The following BRINP1 variants were observed in gnomAD, a reference collection of about 807,000 sequenced individuals.
BRINP1 encodes the protein BMP/retinoic acid inducible neural specific 1.
Under a neutral mutation model 72.9 loss-of-function variants are expected in BRINP1, and 17 were observed. The ratio of observed to expected loss-of-function variants is 0.23; its 90% confidence interval spans 0.16 to 0.35. The LOEUF (loss-of-function observed/expected upper bound fraction) is 0.35, where lower values mean the gene tolerates loss of function less well. BRINP1 is among the 10% of genes least tolerant of loss of function. The pLI, the probability that BRINP1 is intolerant of heterozygous loss-of-function variation, is 1.00. For synonymous variants in BRINP1, 418 were observed against 378.5 expected (o/e 1.10, Z -1.21); for missense variants, 850 against 1,001.6 (o/e 0.85, Z 2.04).
At chr9:119,346,908 T>A (rs2119029055) in intron 1 of BRINP1, among the ~76,000 whole-genome samples, 1 of 152,276 alleles carries the variant, frequency 6.6e-6, no homozygotes, top group African/African-American at 2.4e-5. Context: ...TCCATGACAT[T>A]AATCGGACAT....
rs187235932 is a variant in BRINP1 at position 119,313,844 on chromosome 9, T to C, written c.-50-439A>G. ...CCAGTAAGAGACATAGGGACACAAT[T>C]CAAGTGAGTGTACCCTCTTCTGTCT... On this transcript the variant is annotated intron_variant, in intron 1 of 7. Coordinates refer to ENST00000265922, the MANE Select transcript of BRINP1 (RefSeq NM_014618.3). 4.8e-4 allele frequency among the ~76,000 whole-genome samples: 73 copies of C among 152,256 alleles called. 1 individual carries two copies. Among genetic ancestry groups the C allele is most frequent in the African/African-American group, 1.7e-3 (70 of 41,556 alleles).
intron 4 of BRINP1, 125 bp from the exon 5 acceptor site, chr9:119,238,885 C>T (rs1830218324): frequency 3.4e-6 from 2 of 586,594 alleles, no homozygotes; most frequent in South Asian, 4.6e-5. Context: ...TCAATGGTCA[C>T]TTTCTGAGCT....
chr9:119,198,712 C>A (rs1352764857), intron 7 of BRINP1, among the ~76,000 whole-genome samples: 4 of 151,118 alleles, frequency 2.6e-5, no homozygotes, highest in Non-Finnish European at 4.4e-5. Flanking sequence ...TGCTCTATTG[C>A]CCAGGCTTGA....
chr9:119,190,740 C>A (rs968644609), intron 7 of BRINP1, among the ~76,000 whole-genome samples: 1 of 151,912 alleles, frequency 6.6e-6, no homozygotes, highest in Admixed American at 6.6e-5. Context: ...ATAATTGTTA[C>A]CAATACTTCT....
rs1172988436 is a variant in BRINP1 at position 119,205,305 on chromosome 9, T to A, written c.1145+3414A>T. Among the ~76,000 whole-genome samples, 3 of 152,224 alleles carry A rather than the reference T, an allele frequency of 2.0e-5. No homozygotes were observed. In the East Asian group the frequency reaches 5.8e-4, roughly 29 times the overall value. The stretch of plus-strand genomic sequence containing the variant: ...TCAAAATTCCTCAAATTAATATAAT[T>A]GAGTGACCTGCTAATGGTGGAACGC... On this transcript the variant is annotated intron_variant, in intron 7 of 7. Transcript: ENST00000265922.
At chr9:119,250,724 G>T (rs910462173) in intron 2 of BRINP1, among the ~76,000 whole-genome samples, 1 of 152,154 alleles carries the variant, frequency 6.6e-6, no homozygotes, top group African/African-American at 2.4e-5. Flanking sequence ...GGTTGCTTTT[G>T]CTCAGTAACA....
At chr9:119,170,081 C>G (rs1301178127) in intron 7 of BRINP1, among the ~76,000 whole-genome samples, 1 of 152,162 alleles carries the variant, frequency 6.6e-6, no homozygotes, top group Non-Finnish European at 1.5e-5. Flanking sequence ...CGCCTCTCCT[C>G]CTCCAAAGGA....
intron 1 of BRINP1, among the ~76,000 whole-genome samples, chr9:119,323,655 A>G (rs1172772012): frequency 6.6e-6 from 1 of 152,236 alleles, no homozygotes; most frequent in Non-Finnish European, 1.5e-5. Flanking sequence ...AAAGGTTAGC[A>G]TTAAACATCT....
chr9:119,168,251 GGTTAGCTACCATGAGTGGGTCT>G, intron 7 of BRINP1, 27 bp from the exon 8 acceptor site: 2 of 1,476,112 alleles, frequency 1.4e-6, no homozygotes, highest in Non-Finnish European at 1.8e-6. Flanking sequence ...AATTGGAGAA[GGTTAGCTACCATGAGTGGGTCT>G]GTGAGTTACA....
intron 2 of BRINP1, among the ~76,000 whole-genome samples, chr9:119,284,813 T>C (rs1468436961): frequency 6.6e-6 from 1 of 152,088 alleles, no homozygotes; most frequent in East Asian, 1.9e-4. Flanking sequence ...AAGAAAGATG[T>C]GTCATTCCAC....
intron 7 of BRINP1, among the ~76,000 whole-genome samples, chr9:119,175,874 G>T (rs369573789): frequency 2.0e-5 from 3 of 151,982 alleles, no homozygotes; most frequent in Admixed American, 1.3e-4. Context: ...CAATTTTCTC[G>T]CTTGAGCCTC....
At chr9:119,269,177 T>G (rs1034333640) in intron 2 of BRINP1, among the ~76,000 whole-genome samples, 1 of 152,156 alleles carries the variant, frequency 6.6e-6, no homozygotes. Context: ...TATCCCTCCC[T>G]CCTTGGCACT....
At position 119,167,189 on chromosome 9, in the gene BRINP1, G is replaced by A; in HGVS notation, c.2181C>T (p.Arg727=). Residue 727 remains arginine, a synonymous_variant, in exon 8 of 8, where the codon CGC becomes CGT. Coordinates refer to ENST00000265922, the MANE Select transcript of BRINP1 (RefSeq NM_014618.3). The surrounding 1 kb of genome is among the most constrained non-coding windows in gnomAD (Gnocchi z 4.3). ...LDLFSCMLKH[R]LKLTNSEIIR... ...TGATCTCGCTGTTGGTCAGTTTCAG[G>A]CGGTGTTTCAGCATACAGGAGAACA... is the stretch of plus-strand genomic sequence containing the variant. 12 of 1,614,118 alleles carry A rather than the reference G, an allele frequency of 7.4e-6. No individual in the cohort carries two copies. Among genetic ancestry groups the A allele is most frequent in the Non-Finnish European group, 1.0e-5 (12 of 1,180,024 alleles).
chr9:119,281,449 CAGAG>C (rs1830710926), intron 2 of BRINP1, among the ~76,000 whole-genome samples: 1 of 151,440 alleles, frequency 6.6e-6, no homozygotes, highest in South Asian at 2.1e-4. Context: ...GTGGGAGAGA[CAGAG>C]AGAGTAAAAG....
intron 2 of BRINP1, among the ~76,000 whole-genome samples, chr9:119,304,411 C>T (rs1025199727): frequency 6.6e-6 from 1 of 152,146 alleles, no homozygotes; most frequent in African/African-American, 2.4e-5. Context: ...TAACTTGAGG[C>T]TGGAAGCTTC....
At chr9:119,362,501 G>A (rs1003483817) in intron 1 of BRINP1, among the ~76,000 whole-genome samples, 4 of 152,118 alleles carry the variant, frequency 2.6e-5, no homozygotes, top group Admixed American at 6.5e-5. Context: ...TTTGCAGATC[G>A]GTACTATTAG....
At chr9:119,226,969 C>G (rs1357329639) in intron 5 of BRINP1, among the ~76,000 whole-genome samples, 1 of 151,918 alleles carries the variant, frequency 6.6e-6, no homozygotes, top group African/African-American at 2.4e-5. Context: ...AAGGTAGTTA[C>G]TTAACTTCTG....
At chr9:119,309,520 T>C (rs976566757) in intron 2 of BRINP1, among the ~76,000 whole-genome samples, 1 of 152,230 alleles carries the variant, frequency 6.6e-6, no homozygotes, top group African/African-American at 2.4e-5. Context: ...CTAATATATG[T>C]ATAGTCTTAA....
chr9:119,277,063 A>G (rs547532557), intron 2 of BRINP1, among the ~76,000 whole-genome samples: 10 of 152,274 alleles, frequency 6.6e-5, no homozygotes, highest in African/African-American at 2.4e-4. Context: ...GAAATCATAG[A>G]GTGTGTAGCC....
Sources: allele counts gnomAD v4.1 joint callset (sites outside exome capture counted in the v4.1 genomes callset), GRCh38; gene constraint gnomAD v4.1.1; non-coding constraint Gnocchi (gnomAD v3.1); transcripts MANE v1.5; gene names NCBI Gene and HGNC (gene_info 2026-07-23, HGNC 2026-07-21).